Variants in VTI1A observed in about 807,000 individuals in gnomAD.
VTI1A encodes vesicle transport through interaction with t-SNAREs homolog 1A.
A neutral mutation model predicts 34.9 loss-of-function variants in VTI1A; 22 were observed. The observed-to-expected ratio is 0.63, with a 90% CI of 0.45 to 0.90. The LOEUF (loss-of-function observed/expected upper bound fraction) is 0.90. VTI1A is among the 40% of genes least tolerant of loss of function. The pLI is 0.00. For missense variants in VTI1A, 268 were observed against 275.6 expected (o/e 0.97, Z 0.20); for synonymous variants, 87 against 97.3 (o/e 0.89, Z 0.62).
chr10:112,687,219 C>CTTTTTTTT (rs71303594), intron 7 of VTI1A, among the ~76,000 whole-genome samples: 6 of 84,606 alleles, frequency 7.1e-5, no homozygotes, highest in East Asian at 3.6e-4. Context: ...CATACTACAA[C>CTTTTTTTT]TTTTTTTTTT....
chr10:112,731,466 T>G (rs1850255467), intron 7 of VTI1A, among the ~76,000 whole-genome samples: 1 of 151,502 alleles, frequency 6.6e-6, no homozygotes, highest in Non-Finnish European at 1.5e-5. Context: ...TCCCAGCTAC[T>G]CAGGAGGCTG....
chr10:112,591,638 G>C (rs764086981), intron 5 of VTI1A, among the ~76,000 whole-genome samples: 6 of 152,200 alleles, frequency 3.9e-5, no homozygotes, highest in Admixed American at 6.5e-5. Context: ...CTTATGGCAA[G>C]GTAAAATCTG....
intron 5 of VTI1A, among the ~76,000 whole-genome samples, chr10:112,624,057 G>A (rs918200466): frequency 3.3e-5 from 5 of 152,138 alleles, no homozygotes; most frequent in African/African-American, 9.7e-5. Context: ...TTTCACTTCC[G>A]TCTAAGATAT....
chr10:112,848,387 AT>A, the VTI1A span, among the ~76,000 whole-genome samples: 1 of 152,212 alleles, frequency 6.6e-6, no homozygotes, highest in Non-Finnish European at 1.5e-5. Flanking sequence ...GACTAGGGCA[AT>A]TCCAGACACA....
At position 112,733,126 on chromosome 10, in the gene VTI1A, G is replaced by A. The variant is rs149508309; in HGVS notation, c.560+64128G>A. 3.3e-3 allele frequency among the ~76,000 whole-genome samples: 495 copies of A among 152,280 alleles called. 2 individuals are homozygous for A. Among genetic ancestry groups the A allele is most frequent in the Non-Finnish European group, 4.4e-3 (300 of 68,034 alleles). On this transcript the variant is annotated intron_variant, in intron 7 of 7. Coordinates refer to ENST00000393077, the MANE Select transcript of VTI1A (RefSeq NM_145206.4). ...GGGTTTAAAAGGAGATTCCTGGCAC[G>A]TTCAGCTCTGGAATACAAGGCTTTT...
chr10:112,687,219 C>CT (rs71303594), intron 7 of VTI1A, among the ~76,000 whole-genome samples: 2,397 of 84,592 alleles, frequency 0.028, 359 homozygotes, highest in Non-Finnish European at 0.035. Context: ...CATACTACAA[C>CT]TTTTTTTTTT....
intron 7 of VTI1A, among the ~76,000 whole-genome samples, chr10:112,724,196 G>C (rs570434274): frequency 6.6e-6 from 1 of 152,116 alleles, no homozygotes; most frequent in Admixed American, 6.5e-5. Context: ...CAAGTATGGT[G>C]TTATTGCCTT....
In VTI1A at chr10:112,767,466, C is replaced by T. The variant is rs78223856; in HGVS notation, c.561-47824C>T. Among the ~76,000 whole-genome samples the T allele has an allele frequency of 0.052, 7,861 of 152,108 alleles. 415 individuals are homozygous for T. The highest frequency in any genetic ancestry group is 0.25 in the East Asian group (1,293 of 5,144). Reference sequence around the variant, plus strand: ...AAGGAAGTAAGTGCCTATTCAATGCCGAATATGAAGTAAAATCTGTCAGAT... The same window carrying T: ...AAGGAAGTAAGTGCCTATTCAATGCTGAATATGAAGTAAAATCTGTCAGAT... On this transcript the variant is annotated intron_variant, in intron 7 of 7. Transcript: ENST00000393077. The surrounding 1 kb of genome is among the most constrained non-coding windows in gnomAD (Gnocchi z 4.0).
At chr10:112,701,442 C>G (rs900544607) in intron 7 of VTI1A, among the ~76,000 whole-genome samples, 1 of 152,198 alleles carries the variant, frequency 6.6e-6, no homozygotes, top group Non-Finnish European at 1.5e-5. Flanking sequence ...AAATATCTGG[C>G]AACATCCAAA....
At chr10:112,770,681 C>T (rs187473996) in intron 7 of VTI1A, among the ~76,000 whole-genome samples, 1 of 152,154 alleles carries the variant, frequency 6.6e-6, no homozygotes, top group East Asian at 1.9e-4. Context: ...GCTGGGATTA[C>T]AGGCTTGAGC....
At chr10:112,465,739 AAG>A (rs1206723161) in intron 3 of VTI1A, among the ~76,000 whole-genome samples, 1 of 152,174 alleles carries the variant, frequency 6.6e-6, no homozygotes, top group Non-Finnish European at 1.5e-5. Context: ...TTCATGGGCA[AAG>A]AGTTTCAGTT....
intron 5 of VTI1A, among the ~76,000 whole-genome samples, chr10:112,581,416 C>G (rs1273785354): frequency 6.6e-6 from 1 of 152,176 alleles, no homozygotes; most frequent in African/African-American, 2.4e-5. Context: ...AGTATGTGGT[C>G]TGATTTTTAT....
intron 3 of VTI1A, among the ~76,000 whole-genome samples, chr10:112,503,798 T>C (rs1849326225): frequency 6.6e-6 from 1 of 152,194 alleles, no homozygotes. Context: ...TTAGTTACCA[T>C]TTCTTATTTC....
chr10:112,612,373 A>G (rs1204044653), intron 5 of VTI1A, among the ~76,000 whole-genome samples: 1 of 152,202 alleles, frequency 6.6e-6, no homozygotes, highest in African/African-American at 2.4e-5. Flanking sequence ...CTTGCTTCCT[A>G]CTAGTCATAC....
intron 5 of VTI1A, among the ~76,000 whole-genome samples, chr10:112,604,417 C>G (rs1844994389): frequency 6.6e-6 from 1 of 152,164 alleles, no homozygotes; most frequent in South Asian, 2.1e-4. Context: ...TCTCTTTCTT[C>G]CCCCTCTCTA....
chr10:112,639,708 G>T (rs1241203048), intron 5 of VTI1A, among the ~76,000 whole-genome samples: 1 of 152,144 alleles, frequency 6.6e-6, no homozygotes, highest in Admixed American at 6.5e-5. Flanking sequence ...CATTGAAAAG[G>T]TATATACAGA....
At chr10:112,827,130 A>G in the VTI1A span, 3 of 152,212 alleles carry the variant, frequency 2.0e-5, no homozygotes, top group African/African-American at 7.2e-5. Context: ...TCAGCTTCCT[A>G]GAGATAATTC....
intron 7 of VTI1A, among the ~76,000 whole-genome samples, chr10:112,747,236 A>G (rs1850928555): frequency 1.3e-5 from 2 of 152,232 alleles, no homozygotes; most frequent in Non-Finnish European, 2.9e-5. Flanking sequence ...ATGTGGGTAA[A>G]GCAAACAGGA....
intron 7 of VTI1A, among the ~76,000 whole-genome samples, chr10:112,671,167 T>C (rs17130000): frequency 0.12 from 17,978 of 152,228 alleles, 1,098 homozygotes; most frequent in Middle Eastern, 0.14. Flanking sequence ...AAGCCTTTTA[T>C]TGAATGCTCT....
Sources: gnomAD v4.1 joint callset for allele counts (sites outside exome capture counted in the v4.1 genomes callset) on GRCh38, gnomAD v4.1.1 for gene constraint, Gnocchi (gnomAD v3.1) non-coding constraint, MANE v1.5 for transcripts, NCBI Gene and HGNC (gene_info 2026-07-23, HGNC 2026-07-21) for gene names.